The following PNN variants were observed in gnomAD, a reference collection of about 807,000 sequenced individuals.
PNN encodes pinin, desmosome associated protein, also known as pinin.
PNN carries 38 observed loss-of-function variants against 76.6 expected under a neutral mutation model. The observed-to-expected ratio is 0.50, with a 90% CI of 0.38 to 0.65. The LOEUF is 0.65. PNN is among the 30% of genes least tolerant of loss of function. PNN has a pLI of 0.00. For missense variants in PNN, 873 were observed against 874.1 expected (o/e 1.00, Z 0.02); for synonymous variants, 366 against 283.7 (o/e 1.29, Z -2.91).
At position 39,182,238 on chromosome 14, in the gene PNN, T is replaced by C. The variant is rs1190532445; in HGVS notation, c.*375T>C. ...CATTGCTTTTGTAGAAATAAATGTG[T>C]GTTTATTTCATTATTTTTGGGATGT... On this transcript the variant is annotated 3_prime_UTR_variant, in exon 9 of 9. Coordinates refer to ENST00000216832, the MANE Select transcript of PNN (RefSeq NM_002687.4). The C allele has an allele frequency of 6.2e-6, 1 of 160,628 alleles. No individual in the cohort carries two copies. Among genetic ancestry groups the C allele is most frequent in the African/African-American group, 2.4e-5 (1 of 41,588 alleles). 10.0% of individuals were successfully genotyped at this position (160,628 alleles called of 1,614,324 possible).
Position 39,179,313 on chromosome 14 carries a change from C to A in PNN, c.655-11C>A. On this transcript the variant is annotated splice_polypyrimidine_tract_variant and intron_variant, in intron 7 of 8. Transcript: ENST00000216832. Reference sequence around the variant, plus strand: ...GTTTACAAAAGCACTGACCCTTTACCTTTTCTTTAGCAAGAAGAATGGAAT... The same window carrying A: ...GTTTACAAAAGCACTGACCCTTTACATTTTCTTTAGCAAGAAGAATGGAAT... 1.2e-6 allele frequency: 2 copies of A among 1,608,910 alleles called. 1 individual carries two copies. The highest frequency in any genetic ancestry group is 1.7e-6 in the Non-Finnish European group (2 of 1,178,624).
intron 6 of PNN, 195 bp from the exon 7 acceptor site, chr14:39,178,896 G>GC: frequency 1.9e-6 from 1 of 523,906 alleles, no homozygotes; most frequent in Non-Finnish European, 3.3e-6. Context: ...GTGCAACCAC[G>GC]CCCTGTTAAT....
In PNN at chr14:39,177,414, T is replaced by C. The variant is rs1357308823; in HGVS notation, c.257T>C (p.Leu86Pro). 7 of 1,613,332 alleles carry C rather than the reference T, an allele frequency of 4.3e-6. No homozygotes were observed. Among genetic ancestry groups the C allele is most frequent in the Admixed American group, 3.3e-5 (2 of 59,984 alleles). Residue 86 changes from leucine (L) to proline (P), a missense_variant and splice_region_variant, in exon 4 of 9, where the codon CTG becomes CCG. By Grantham distance (98) the Leu-to-Pro change is moderately conservative. Transcript: ENST00000216832. ...AAAATTAATATTTTCTATGACAGGCTGGGCGGGGAGCGTCGGACCAGAAGA... is the reference window on the plus strand; with the variant it reads ...AAAATTAATATTTTCTATGACAGGCCGGGCGGGGAGCGTCGGACCAGAAGA... ...QRDLEGAVSRLGGERRTRRES... is the reference protein window; with the variant it reads ...QRDLEGAVSRPGGERRTRRES...
Position 39,182,135 on chromosome 14 carries a change from T to A in PNN, c.*272T>A. On this transcript the variant is annotated 3_prime_UTR_variant, in exon 9 of 9. Transcript: ENST00000216832. Reference sequence around the variant, plus strand: ...CATCCCTTGTCATCTTTTTTAAATATCCTATACTCTTCAGTAAGAATCTGT... The same window carrying A: ...CATCCCTTGTCATCTTTTTTAAATAACCTATACTCTTCAGTAAGAATCTGT... The A allele has an allele frequency of 6.8e-6, 2 of 295,148 alleles. No individual in the cohort carries two copies. The highest frequency in any genetic ancestry group is 1.3e-5 in the Non-Finnish European group (2 of 159,190). The allele number at this position is 295,148 out of a possible 1,614,324, so 18.3% of individuals were successfully genotyped here. A position where few individuals can be genotyped will look rare whatever the true frequency, so the allele number is the denominator to read the frequency against.
rs2053281702 is a variant in PNN at position 39,183,216 on chromosome 14, G to T, written c.*1353G>T. 1 of 152,322 alleles carries T rather than the reference G, an allele frequency of 6.6e-6. No individual in the cohort carries two copies. Among genetic ancestry groups the T allele is most frequent in the Non-Finnish European group, 1.5e-5 (1 of 68,022 alleles). 9.4% of individuals were successfully genotyped at this position (152,322 alleles called of 1,614,324 possible). ...TGGAGTAATTATTAAAACAGTAAAT[G>T]CATAGAGCTTTGCACAGCAATCTGT... is the stretch of plus-strand genomic sequence containing the variant. On this transcript the variant is annotated 3_prime_UTR_variant, in exon 9 of 9. Coordinates refer to ENST00000216832, the MANE Select transcript of PNN (RefSeq NM_002687.4).
chr14:39,179,078 A>G lies in PNN; in HGVS notation c.499-13A>G. Reference sequence around the variant, plus strand: ...CAACACGTAAGTATTAAAGCAGGCTACTTAACTTTTAGCAAAAGCGGCGCC... The same window carrying G: ...CAACACGTAAGTATTAAAGCAGGCTGCTTAACTTTTAGCAAAAGCGGCGCC... On this transcript the variant is annotated splice_polypyrimidine_tract_variant and intron_variant, in intron 6 of 8. Transcript: ENST00000216832. 1 of 1,607,560 alleles carries G rather than the reference A, an allele frequency of 6.2e-7. No homozygotes were observed. Among genetic ancestry groups the G allele is most frequent in the Non-Finnish European group, 8.5e-7 (1 of 1,178,048 alleles).
intron 3 of PNN, 115 bp downstream of exon 3, chr14:39,176,710 A>G: frequency 1.5e-6 from 1 of 674,474 alleles, no homozygotes; most frequent in Non-Finnish European, 2.5e-6. Flanking sequence ...GTGGTATGCC[A>G]CTCCCTGCCC....
Position 39,177,388 on chromosome 14 carries a change from A to G in PNN, c.255-24A>G, listed in dbSNP as rs148797788. The stretch of plus-strand genomic sequence containing the variant: ...GTGGTATAGTGAAACCCTGTCTCAA[A>G]AAAATTAATATTTTCTATGACAGGC... On this transcript the variant is annotated intron_variant, in intron 3 of 8. Transcript: ENST00000216832. The G allele has an allele frequency of 1.1e-3, 1,769 of 1,608,456 alleles. 10 individuals carry two copies. The highest frequency in any genetic ancestry group is 7.6e-3 in the African/African-American group (567 of 74,916).
In PNN at chr14:39,176,587, A is replaced by G; in HGVS notation, c.246A>G (p.Ala82=). The change falls in exon 3 of 9, where the codon GCA becomes GCG. Residue 82 remains alanine, a synonymous_variant. Transcript: ENST00000216832. ...CCAAACAGAGAGACCTTGAAGGGGCAGTCAGTAGGTAGGTTTAAAAAAAGA... is the reference window on the plus strand; with the variant it reads ...CCAAACAGAGAGACCTTGAAGGGGCGGTCAGTAGGTAGGTTTAAAAAAAGA... The part of the protein sequence containing the change: ...PPAKQRDLEG[A]VSRLGGERRT... The G allele has an allele frequency of 6.2e-7, 1 of 1,600,438 alleles. No individual in the cohort carries two copies. The highest frequency in any genetic ancestry group is 8.5e-7 in the Non-Finnish European group (1 of 1,171,850).
chr14:39,180,660 A>C lies in PNN; in HGVS notation c.951A>C (p.Glu317Asp). ...AGGGTAAGGTGGCTCAGCGAGAGGA[A>C]GAGTTGGAGGAGACAGGTAATCAGC... ...QEEGKVAQRE[E>D]ELEETGNQHN... The change falls in exon 9 of 9, where the codon GAA becomes GAC. Residue 317 changes from glutamate to aspartate, a missense_variant. Glu to Asp is a conservative substitution (Grantham distance 45, BLOSUM62 2). Transcript: ENST00000216832. 6.2e-7 allele frequency: 1 copy of C among 1,612,854 alleles called. No homozygotes were observed. The highest frequency in any genetic ancestry group is 8.5e-7 in the Non-Finnish European group (1 of 1,179,354).
rs1267248059 is a variant in PNN at position 39,180,847 on chromosome 14, G to T, written c.1138G>T (p.Asp380Tyr). ...TEVRESEKQQ[D>Y]SQPEEVMDVL... is the part of the protein sequence containing the mutation. ...GGTAAGGGAAAGTGAGAAGCAGCAG[G>T]ATAGTCAGCCTGAAGAAGTTATGGA... The change falls in exon 9 of 9, where the codon GAT becomes TAT. Residue 380 changes from aspartate to tyrosine, a missense_variant. This residue lies in a region of PNN where 712 missense variants were observed against 693.1 expected (regional missense o/e 1.03). Transcript: ENST00000216832. The T allele has an allele frequency of 2.5e-6, 4 of 1,614,152 alleles. No homozygotes were observed. Among genetic ancestry groups the T allele is most frequent in the Non-Finnish European group, 3.4e-6 (4 of 1,180,032 alleles).
At chr14:39,176,462 T>C in intron 2 of PNN, 65 bp from the exon 3 acceptor site, 1 of 1,227,828 alleles carries the variant, frequency 8.1e-7, no homozygotes, top group Non-Finnish European at 1.2e-6. Context: ...CATATTCTCT[T>C]GTCAAATGGA....
chr14:39,180,880 G>C lies in PNN; in HGVS notation c.1171G>C (p.Glu391Gln). 6.2e-7 allele frequency: 1 copy of C among 1,614,176 alleles called. No homozygotes were observed. Residue 391 changes from glutamate to glutamine, a missense_variant, in exon 9 of 9, where the codon GAG becomes CAG. Transcript: ENST00000216832. ...GCCTGAAGAAGTTATGGATGTGCTA[G>C]AGATGGTTGAGAATGTCAAACATGT... is the stretch of plus-strand genomic sequence containing the variant. Reference protein sequence around the residue: ...SQPEEVMDVLEMVENVKHVIA... With the variant: ...SQPEEVMDVLQMVENVKHVIA...
chr14:39,179,971 G>A (rs2053257720), intron 8 of PNN, among the ~76,000 whole-genome samples: 1 of 151,858 alleles, frequency 6.6e-6, no homozygotes, highest in Non-Finnish European at 1.5e-5. Context: ...GTATCATGAT[G>A]GAGTTTAATG....
chr14:39,178,144 G>GA (rs145557069), intron 6 of PNN, among the ~76,000 whole-genome samples: 4,755 of 146,484 alleles, frequency 0.032, 230 homozygotes, highest in African/African-American at 0.11. Flanking sequence ...TTAGATATGT[G>GA]AAAAAAAAAA....
In PNN at chr14:39,177,555, T is replaced by C. The variant is rs370078001; in HGVS notation, c.328-38T>C. 35 of 1,595,326 alleles carry C rather than the reference T, an allele frequency of 2.2e-5. No individual in the cohort carries two copies. In the African/African-American group the frequency reaches 4.3e-4, roughly 20 times the overall value. On this transcript the variant is annotated intron_variant, in intron 4 of 8. Transcript: ENST00000216832. The stretch of plus-strand genomic sequence containing the variant: ...ACTACATTTAAAAGCACACCACTCA[T>C]ATGCTAGTTAAATTACTGAGATTTT...
chr14:39,178,473 A>G (rs775813440), intron 6 of PNN, among the ~76,000 whole-genome samples: 36 of 152,290 alleles, frequency 2.4e-4, no homozygotes, highest in African/African-American at 2.6e-4. Flanking sequence ...TGAGGTTGCA[A>G]TGAGCCAAGA....
Position 39,179,223 on chromosome 14 carries a change from CAG to C in PNN, c.633_634del (p.Lys212SerfsTer2). ...AKQTELRLLE[Q>X]KVELAQLQEE... Reference sequence around the variant, plus strand: ...ACAGACAGAACTGCGGCTTTTGGAACAGAAAGTTGAGCTTGCGCAGCTGGTGA... The same window carrying C: ...ACAGACAGAACTGCGGCTTTTGGAACAAAGTTGAGCTTGCGCAGCTGGTGA... On this transcript the variant is annotated frameshift_variant, in exon 7 of 9. Transcript: ENST00000216832. LOFTEE classifies it high-confidence loss of function. 1 of 1,612,242 alleles carries C rather than the reference CAG, an allele frequency of 6.2e-7. No individual in the cohort carries two copies. The highest frequency in any genetic ancestry group is 8.5e-7 in the Non-Finnish European group (1 of 1,179,616).
rs762938806 is a variant in PNN at position 39,181,279 on chromosome 14, C to T, written c.1570C>T (p.Leu524=). 2 of 1,614,016 alleles carry T rather than the reference C, an allele frequency of 1.2e-6. No homozygotes were observed. The highest frequency in any genetic ancestry group is 2.2e-5 in the East Asian group (1 of 44,876). ...PQVTQEQGHL[L]PERKDFPVES... ...AGTTACTCAGGAGCAAGGGCATTTA[C>T]TACCTGAGAGGAAGGATTTTCCTGT... is the stretch of plus-strand genomic sequence containing the variant. The change falls in exon 9 of 9, where the codon CTA becomes TTA. Residue 524 remains leucine (L), a synonymous_variant. Coordinates refer to ENST00000216832, the MANE Select transcript of PNN (RefSeq NM_002687.4).
Sources: gnomAD v4.1 joint callset for allele counts (sites outside exome capture counted in the v4.1 genomes callset) on GRCh38, gnomAD v4.1.1 for gene constraint, gnomAD v4.1.1 regional missense constraint, MANE v1.5 for transcripts, NCBI Gene and HGNC (gene_info 2026-07-23, HGNC 2026-07-21) for gene names.